The following ZBTB20 variants were observed in gnomAD, a reference collection of about 807,000 sequenced individuals.
The protein encoded by ZBTB20 is zinc finger and BTB domain-containing protein 20.
Under a neutral mutation model 56.9 loss-of-function variants are expected in ZBTB20, and 9 were observed. That is an observed-to-expected ratio of 0.16 (90% CI 0.10 to 0.28). The LOEUF is 0.28. Among genes scored for constraint, ZBTB20 ranks in the 10% least tolerant of loss-of-function variants. ZBTB20 has a pLI of 1.00. For synonymous variants in ZBTB20, 417 were observed against 420.7 expected, an observed-to-expected ratio of 0.99 and a Z score of 0.11; for missense variants, 655 against 1,003.0, an observed-to-expected ratio of 0.65 and a Z score of 4.69.
intron 7 of ZBTB20, among the ~76,000 whole-genome samples, chr3:114,411,169 G>C (rs945286171): frequency 6.6e-6 from 1 of 152,114 alleles, no homozygotes; most frequent in Non-Finnish European, 1.5e-5. Flanking sequence ...AATACACAAA[G>C]TGGGGGTGCA....
chr3:114,550,959 C>T (rs2050502266), intron 6 of ZBTB20, among the ~76,000 whole-genome samples: 1 of 152,106 alleles, frequency 6.6e-6, no homozygotes, highest in East Asian at 1.9e-4. Context: ...CCATGTTGGC[C>T]AGGCTTGTGT....
rs1247985004 is a variant in ZBTB20 at position 114,974,385 on chromosome 3, A to C, written c.-475T>G. 1 of 152,186 alleles carries C rather than the reference A, an allele frequency of 6.6e-6. No homozygotes were observed. The highest frequency in any genetic ancestry group is 6.5e-5 in the Admixed American group (1 of 15,278). The allele number at this position is 152,186 out of a possible 1,614,324, so 9.4% of individuals were successfully genotyped here. A position where few individuals can be genotyped will look rare whatever the true frequency, so the allele number is the denominator to read the frequency against. ...CATTACCTTCAGCCTTCAGAGTCCC[A>C]AAGGCAATTCTTAACACTTCTTTTT... On this transcript the variant is annotated 5_prime_UTR_variant, in exon 3 of 12. Coordinates refer to ENST00000675478, the MANE Select transcript of ZBTB20 (RefSeq NM_001348800.3).
intron 6 of ZBTB20, among the ~76,000 whole-genome samples, chr3:114,526,222 C>G (rs1396807828): frequency 6.6e-6 from 1 of 152,074 alleles, no homozygotes; most frequent in African/African-American, 2.4e-5. Context: ...TTTAAACTAC[C>G]TTGCATATTT....
At chr3:114,567,014 C>T (rs1356295748) in intron 6 of ZBTB20, among the ~76,000 whole-genome samples, 1 of 152,038 alleles carries the variant, frequency 6.6e-6, no homozygotes, top group Admixed American at 6.6e-5. Flanking sequence ...TGTGCTTTTG[C>T]CTGGTGTGAT....
At chr3:114,947,212 A>G (rs1317039621) in intron 3 of ZBTB20, among the ~76,000 whole-genome samples, 1 of 146,322 alleles carries the variant, frequency 6.8e-6, no homozygotes, top group African/African-American at 2.8e-5. Context: ...TGTTGGTGGG[A>G]ATGTAAATTA....
intron 6 of ZBTB20, among the ~76,000 whole-genome samples, chr3:114,678,777 A>G (rs1348314995): frequency 6.6e-6 from 1 of 152,206 alleles, no homozygotes; most frequent in African/African-American, 2.4e-5. Context: ...GAAAGTTATT[A>G]TAATTTATTA....
chr3:114,669,826 T>C (rs938714656), intron 6 of ZBTB20, among the ~76,000 whole-genome samples: 2 of 152,088 alleles, frequency 1.3e-5, no homozygotes, highest in Admixed American at 1.3e-4. Flanking sequence ...CATTTCTGTA[T>C]GAGTCATTTT....
chr3:114,431,680 T>C (rs895486348), intron 7 of ZBTB20, among the ~76,000 whole-genome samples: 1 of 152,148 alleles, frequency 6.6e-6, no homozygotes, highest in Non-Finnish European at 1.5e-5. Flanking sequence ...AAAGGACACA[T>C]GACTCATACC....
chr3:115,066,485 T>G (rs374331027), intron 2 of ZBTB20, among the ~76,000 whole-genome samples: 3 of 152,282 alleles, frequency 2.0e-5, no homozygotes, highest in East Asian at 3.9e-4. Flanking sequence ...GCCCTCACTA[T>G]ACTTCACCCT....
rs1011355678 is a variant in ZBTB20 at position 114,701,461 on chromosome 3, T to C, written c.-342-7886A>G. 2.6e-5 allele frequency among the ~76,000 whole-genome samples: 4 copies of C among 152,298 alleles called. No individual in the cohort carries two copies. In the East Asian group the frequency reaches 7.7e-4, roughly 29 times the overall value. On this transcript the variant is annotated intron_variant, in intron 5 of 11. Coordinates refer to ENST00000675478, the MANE Select transcript of ZBTB20 (RefSeq NM_001348800.3). ...GGGATTGGGGAGGAAATCATAGCTA[T>C]ATATTAAAATTAACAGGCCAGAGGA... is the stretch of plus-strand genomic sequence containing the variant.
intron 6 of ZBTB20, among the ~76,000 whole-genome samples, chr3:114,544,469 CTTTCT>C (rs1163224234): frequency 1.3e-5 from 1 of 77,422 alleles, no homozygotes; most frequent in Non-Finnish European, 2.6e-5. Flanking sequence ...TTCTTTCTTT[CTTTCT>C]TTCTTTTTCT....
intron 7 of ZBTB20, among the ~76,000 whole-genome samples, chr3:114,463,718 A>C (rs778332781): frequency 6.6e-6 from 1 of 152,240 alleles, no homozygotes; most frequent in Non-Finnish European, 1.5e-5. Context: ...GCTACTGTGC[A>C]TTAACATTTA....
chr3:114,998,109 T>C (rs778202881), intron 2 of ZBTB20, among the ~76,000 whole-genome samples: 1 of 151,702 alleles, frequency 6.6e-6, no homozygotes, highest in Non-Finnish European at 1.5e-5. Flanking sequence ...TATACACACA[T>C]GAAGTTGCAA....
At chr3:114,654,397 T>C (rs1578177758) in intron 6 of ZBTB20, among the ~76,000 whole-genome samples, 1 of 151,996 alleles carries the variant, frequency 6.6e-6, no homozygotes, top group Non-Finnish European at 1.5e-5. Flanking sequence ...TTAAGTTTGT[T>C]GTGTAGTTTC....
chr3:114,525,018 A>G (rs2047058585), intron 6 of ZBTB20, among the ~76,000 whole-genome samples: 1 of 151,982 alleles, frequency 6.6e-6, no homozygotes, highest in Non-Finnish European at 1.5e-5. Flanking sequence ...CTGGCCTCCA[A>G]TTTTGAATAC....
chr3:114,776,189 T>G (rs78913481), intron 5 of ZBTB20, among the ~76,000 whole-genome samples: 4,220 of 151,806 alleles, frequency 0.028, 222 homozygotes, highest in African/African-American at 0.098. Context: ...AAACATGGTG[T>G]GGTGGGCTGA....
In ZBTB20 at chr3:114,616,120, G is replaced by A. The variant is rs571700326; in HGVS notation, c.-295+77408C>T. Among the ~76,000 whole-genome samples the A allele has an allele frequency of 4.6e-5, 7 of 152,268 alleles. 1 individual carries two copies. The highest frequency in any genetic ancestry group is 3.9e-4 in the Admixed American group (6 of 15,288). The stretch of plus-strand genomic sequence containing the variant: ...TAGCCATGTTTCAGTGAACACAGAC[G>A]CATGCCCTGATGTGAACTGGGCACT... On this transcript the variant is annotated intron_variant, in intron 6 of 11. Coordinates refer to ENST00000675478, the MANE Select transcript of ZBTB20 (RefSeq NM_001348800.3).
chr3:114,664,142 C>T (rs1414280509), intron 6 of ZBTB20, among the ~76,000 whole-genome samples: 1 of 151,980 alleles, frequency 6.6e-6, no homozygotes, highest in African/African-American at 2.4e-5. Context: ...TTAATCTGAG[C>T]ATTTTAAGAC....
At chr3:114,997,499 A>AAAGAAAT (rs1403942896) in intron 2 of ZBTB20, among the ~76,000 whole-genome samples, 1 of 151,864 alleles carries the variant, frequency 6.6e-6, no homozygotes, top group Non-Finnish European at 1.5e-5. Flanking sequence ...AATGGTTTCC[A>AAAGAAAT]AAGAAATAAA....
Sources: gnomAD v4.1 joint callset for allele counts (sites outside exome capture counted in the v4.1 genomes callset) on GRCh38, gnomAD v4.1.1 for gene constraint, MANE v1.5 for transcripts, NCBI Gene and HGNC (gene_info 2026-07-23, HGNC 2026-07-21) for gene names.